TIAM2: variants seen among roughly 807,000 people sequenced by gnomAD.
TIAM2 encodes the protein TIAM Rac1 associated GEF 2, also known as rho guanine nucleotide exchange factor TIAM2.
Under a neutral mutation model 152.9 loss-of-function variants are expected in TIAM2, and 80 were observed. The ratio of observed to expected loss-of-function variants is 0.52; its 90% confidence interval spans 0.44 to 0.63. TIAM2 has a LOEUF of 0.63. Among genes scored for constraint, TIAM2 ranks in the 30% least tolerant of loss-of-function variants. TIAM2 has a pLI of 0.00. For synonymous variants in TIAM2, 804 were observed against 838.0 expected (o/e 0.96, Z 0.70); for missense variants, 1,965 against 2,120.1 (o/e 0.93, Z 1.44).
chr6:155,022,990 G>T (rs1489008892), intron 1 of TIAM2, among the ~76,000 whole-genome samples: 1 of 150,938 alleles, frequency 6.6e-6, no homozygotes, highest in East Asian at 1.9e-4. Flanking sequence ...TTTGTAGAGA[G>T]GTTTTTTAAA....
rs1164697477 is a variant in TIAM2, at chr6:155,202,546, G to GT, written c.3065-8657dup. ...TGATCCTCCTGCCTCAGCCTCCTGA[G>GT]TGGCTGGGACTACAGGTGTGCACCA... On this transcript the variant is annotated intron_variant, in intron 14 of 26. Transcript: ENST00000682666. Among the ~76,000 whole-genome samples the GT allele has an allele frequency of 2.0e-5, 3 of 151,690 alleles. No homozygotes were observed. The East Asian group carries it at 5.8e-4, about 29-fold the overall frequency.
intron 1 of TIAM2, among the ~76,000 whole-genome samples, chr6:155,028,857 TG>T (rs1776712729): frequency 7.8e-6 from 1 of 127,952 alleles, no homozygotes; most frequent in Non-Finnish European, 1.6e-5. Context: ...ATATATACAC[TG>T]TATATACTAT....
intron 1 of TIAM2, among the ~76,000 whole-genome samples, chr6:155,029,513 C>CTATATATATACTATAG (rs1562295279): frequency 4.5e-5 from 1 of 22,056 alleles, no homozygotes. Context: ...ATAATATATA[C>CTATATATATACTATAG]TATATATTAT....
intron 1 of TIAM2, among the ~76,000 whole-genome samples, chr6:155,055,227 T>C (rs1241404867): frequency 6.6e-6 from 1 of 152,224 alleles, no homozygotes; most frequent in Admixed American, 6.5e-5. Context: ...TTACTCCTTT[T>C]GTGGCACTTG....
At chr6:155,112,274 C>T (rs9480056) in intron 2 of TIAM2, among the ~76,000 whole-genome samples, 40,888 of 151,678 alleles carry the variant, frequency 0.27, 6,707 homozygotes, top group Admixed American at 0.39. Context: ...TACAGGCATG[C>T]GCCACCAAGC....
chr6:155,079,212 C>T (rs1778013583), intron 1 of TIAM2, among the ~76,000 whole-genome samples: 1 of 152,128 alleles, frequency 6.6e-6, no homozygotes. Context: ...CAGACACCCG[C>T]CACCATGCCC....
chr6:155,135,111 T>A (rs1218971835), intron 4 of TIAM2, among the ~76,000 whole-genome samples: 1 of 152,234 alleles, frequency 6.6e-6, no homozygotes. Context: ...TGCTCTGTTA[T>A]GCATAAGCAT....
At chr6:155,062,959 TTC>T (rs1777619292) in intron 1 of TIAM2, among the ~76,000 whole-genome samples, 2 of 152,194 alleles carry the variant, frequency 1.3e-5, no homozygotes, top group Non-Finnish European at 1.5e-5. Context: ...ACAGTATGTC[TTC>T]TCTGATGAAG....
intron 2 of TIAM2, among the ~76,000 whole-genome samples, chr6:155,094,546 C>CCT (rs746652506): frequency 3.0e-4 from 24 of 79,940 alleles, no homozygotes; most frequent in African/African-American, 1.2e-3. Context: ...TTCACTCAGA[C>CCT]TTTTTTTTTT....
At chr6:155,252,331 T>G (rs148696599) in intron 23 of TIAM2, among the ~76,000 whole-genome samples, 1 of 152,032 alleles carries the variant, frequency 6.6e-6, no homozygotes, top group South Asian at 2.1e-4. Context: ...TAACTGGGTG[T>G]GGTAGCACGT....
In TIAM2 at chr6:155,211,312, G is replaced by T; in HGVS notation, c.3168+5G>T. The T allele has an allele frequency of 1.2e-6, 2 of 1,612,176 alleles. No homozygotes were observed. The highest frequency in any genetic ancestry group is 1.1e-5 in the South Asian group (1 of 90,956). On this transcript the variant is annotated splice_donor_5th_base_variant and intron_variant, in intron 15 of 26. Transcript: ENST00000682666. ...AAAATGGAGCAGACATTCAGGGTAA[G>T]ATACTGGCCCAAATCGCAAACCAAG...
intron 1 of TIAM2, among the ~76,000 whole-genome samples, chr6:155,078,693 A>G (rs1432825149): frequency 6.6e-5 from 10 of 152,164 alleles, no homozygotes; most frequent in Admixed American, 2.0e-4. Flanking sequence ...CGGTGATCCT[A>G]ACAGCCTCTG....
chr6:155,187,573 C>CCCCCCTTTTTT (rs1189509294), intron 14 of TIAM2, among the ~76,000 whole-genome samples: 1 of 49,614 alleles, frequency 2.0e-5, no homozygotes, highest in African/African-American at 7.9e-5. Context: ...ACCCCGCCCC[C>CCCCCCTTTTTT]TTTTTTTTTT....
chr6:155,172,655 TATATATATATATATATATATATA>T (rs1780618968), intron 9 of TIAM2, among the ~76,000 whole-genome samples: 3 of 12,388 alleles, frequency 2.4e-4, no homozygotes, highest in Non-Finnish European at 3.5e-4. Flanking sequence ...TATATATATA[TATATATATATATATATATATATA>T]TATATATATT....
intron 1 of TIAM2, chr6:155,013,933 C>CACAG (rs1778531013): frequency 6.6e-6 from 1 of 151,872 alleles, no homozygotes; most frequent in East Asian, 1.9e-4. Flanking sequence ...CACACACACA[C>CACAG]ACACACACAC....
At chr6:155,196,813 G>A (rs1268307764) in intron 14 of TIAM2, among the ~76,000 whole-genome samples, 2 of 152,138 alleles carry the variant, frequency 1.3e-5, no homozygotes, top group Non-Finnish European at 2.9e-5. Flanking sequence ...ATTTATTTCT[G>A]CCCTACCATA....
At chr6:155,091,304 C>T (rs533206791) in intron 2 of TIAM2, among the ~76,000 whole-genome samples, 4 of 152,244 alleles carry the variant, frequency 2.6e-5, no homozygotes, top group East Asian at 1.9e-4. Context: ...TGTCTGTCTC[C>T]GCCTTCCTTA....
intron 2 of TIAM2, among the ~76,000 whole-genome samples, chr6:155,116,956 G>A (rs943198898): frequency 2.6e-5 from 4 of 151,686 alleles, no homozygotes; most frequent in African/African-American, 4.8e-5. Flanking sequence ...ACAGGACCAC[G>A]AAGTTTATAG....
At chr6:155,059,665 G>A (rs1320222245) in intron 1 of TIAM2, among the ~76,000 whole-genome samples, 2 of 152,074 alleles carry the variant, frequency 1.3e-5, no homozygotes, top group African/African-American at 4.8e-5. Flanking sequence ...TATGGATTTT[G>A]GACAGAATAT....
Sources: allele counts gnomAD v4.1 joint callset (sites outside exome capture counted in the v4.1 genomes callset), GRCh38; gene constraint gnomAD v4.1.1; transcripts MANE v1.5; gene names NCBI Gene and HGNC (gene_info 2026-07-23, HGNC 2026-07-21).